MTURN: variants seen among roughly 807,000 people sequenced by gnomAD.
The protein encoded by MTURN is maturin, neural progenitor differentiation regulator homolog.
MTURN carries 7 observed loss-of-function variants against 14.9 expected under a neutral mutation model. The ratio of observed to expected loss-of-function variants is 0.47; its 90% CI spans 0.27 to 0.88. The LOEUF is 0.88. Among genes scored for constraint, MTURN ranks in the 40% least tolerant of loss-of-function variants. The pLI is 0.14. For synonymous variants in MTURN, 69 were observed against 72.5 expected (o/e 0.95, Z 0.25); for missense variants, 151 against 174.1 (o/e 0.87, Z 0.75).
intron 1 of MTURN, chr7:30,141,089 A>T (rs1454188619): frequency 6.6e-6 from 1 of 152,296 alleles, no homozygotes; most frequent in Non-Finnish European, 1.5e-5. Flanking sequence ...AGTGGCTGAC[A>T]CACAGATCGG....
chr7:30,138,307 G>A (rs939456551), intron 1 of MTURN, among the ~76,000 whole-genome samples: 1 of 152,088 alleles, frequency 6.6e-6, no homozygotes, highest in Non-Finnish European at 1.5e-5. Flanking sequence ...TAGAGACAGG[G>A]TTTTGTTACG....
At chr7:30,141,471 C>T (rs1003696) in intron 1 of MTURN, 121,386 of 150,766 alleles carry the variant, frequency 0.81, 48,887 homozygotes, top group East Asian at 0.94. Context: ...GTGTGGTGGA[C>T]TGTGGCTTTT....
At chr7:30,137,966 T>C (rs1796991265) in intron 1 of MTURN, among the ~76,000 whole-genome samples, 1 of 152,218 alleles carries the variant, frequency 6.6e-6, no homozygotes. Context: ...TCTGCCTTCA[T>C]GTTCCTGGGG....
At chr7:30,156,278 A>G (rs1192483040) in intron 2 of MTURN, among the ~76,000 whole-genome samples, 2 of 151,926 alleles carry the variant, frequency 1.3e-5, no homozygotes, top group Non-Finnish European at 2.9e-5. Context: ...ATAAAAAGGA[A>G]AAAATTACCC....
intron 1 of MTURN, among the ~76,000 whole-genome samples, chr7:30,142,766 C>T (rs993040927): frequency 6.6e-6 from 1 of 152,182 alleles, no homozygotes; most frequent in Non-Finnish European, 1.5e-5. Flanking sequence ...GGCATTTCTC[C>T]TTTAGTCCAA....
chr7:30,135,328 C>A, intron 1 of MTURN, 30 bp downstream of exon 1: 1 of 1,487,336 alleles, frequency 6.7e-7, no homozygotes, highest in Non-Finnish European at 9.0e-7. Context: ...ACCGCCGGAG[C>A]CGGCGGGAGT....
intron 1 of MTURN, among the ~76,000 whole-genome samples, chr7:30,135,945 C>T (rs1028472168): frequency 1.3e-5 from 2 of 152,072 alleles, no homozygotes; most frequent in African/African-American, 2.4e-5. Flanking sequence ...TCTTAATACG[C>T]ACGCGCGCCT....
chr7:30,159,344 C>G lies in MTURN; in HGVS notation c.*1796C>G, dbSNP rs57549526. 6.6e-6 allele frequency: 1 copy of G among 152,008 alleles called. No homozygotes were observed. The highest frequency in any genetic ancestry group is 2.1e-4 in the South Asian group (1 of 4,832). The allele number at this position is 152,008 out of a possible 1,614,324, so 9.4% of individuals were successfully genotyped here. On this transcript the variant is annotated 3_prime_UTR_variant, in exon 3 of 3. Transcript: ENST00000324453. ...TGAGCTGTATATTACACAGGTGTCG[C>G]CCAGGTTTCGTAACCTCCACTTTAA...
chr7:30,155,622 G>A (rs755882432), intron 2 of MTURN, among the ~76,000 whole-genome samples: 5 of 152,240 alleles, frequency 3.3e-5, no homozygotes, highest in Non-Finnish European at 7.3e-5. Context: ...CATCCGCAGA[G>A]TCTCTGAGGC....
intron 1 of MTURN, among the ~76,000 whole-genome samples, chr7:30,136,029 C>CG (rs11393795): frequency 1 from 152,303 of 152,320 alleles, 76,143 homozygotes; most frequent in Middle Eastern, 1. Flanking sequence ...CGCGCACACG[C>CG]GGCACGCCTC....
intron 1 of MTURN, chr7:30,141,305 C>G (rs2128030609): frequency 6.6e-6 from 1 of 151,052 alleles, no homozygotes; most frequent in South Asian, 2.1e-4. Flanking sequence ...ATCCCAGCTA[C>G]TTGGGAGGCT....
chr7:30,143,338 A>C (rs1034153190), intron 1 of MTURN, among the ~76,000 whole-genome samples: 1 of 134,214 alleles, frequency 7.5e-6, no homozygotes. Context: ...CTTGGATCTT[A>C]TTTCCCTCCC....
chr7:30,142,586 A>C (rs1250942205), intron 1 of MTURN, among the ~76,000 whole-genome samples: 2 of 152,184 alleles, frequency 1.3e-5, no homozygotes, highest in East Asian at 3.9e-4. Flanking sequence ...TCATTAGCTA[A>C]ATAAACTGAT....
At chr7:30,136,900 G>A (rs1301717230) in intron 1 of MTURN, among the ~76,000 whole-genome samples, 1 of 152,138 alleles carries the variant, frequency 6.6e-6, no homozygotes, top group Non-Finnish European at 1.5e-5. Context: ...TAGAGACCTG[G>A]GGTTTCCCAG....
intron 1 of MTURN, among the ~76,000 whole-genome samples, chr7:30,142,082 T>C (rs1431766254): frequency 6.6e-6 from 1 of 152,228 alleles, no homozygotes; most frequent in Non-Finnish European, 1.5e-5. Context: ...TCTGTAGGGT[T>C]GGACTACTTT....
In MTURN at chr7:30,147,045, A is replaced by G. The variant is rs190404031; in HGVS notation, c.285+746A>G. On this transcript the variant is annotated intron_variant, in intron 2 of 2. Transcript: ENST00000324453. ...TTCAGTGGTATTTGCTAGAATTTCTATTTATTTTTCAAATCTGTTCTAATG... is the reference window on the plus strand; with the variant it reads ...TTCAGTGGTATTTGCTAGAATTTCTGTTTATTTTTCAAATCTGTTCTAATG... Among the ~76,000 whole-genome samples the G allele has an allele frequency of 2.3e-3, 352 of 152,184 alleles. 2 individuals carry two copies. Among genetic ancestry groups the G allele is most frequent in the Non-Finnish European group, 4.4e-3 (297 of 68,010 alleles).
intron 2 of MTURN, among the ~76,000 whole-genome samples, chr7:30,149,509 G>T (rs373445596): frequency 6.6e-6 from 1 of 152,134 alleles, no homozygotes; most frequent in Non-Finnish European, 1.5e-5. Flanking sequence ...GTCAGGATGC[G>T]CCCCAGACTG....
At chr7:30,145,325 T>C (rs1467017744) in intron 1 of MTURN, among the ~76,000 whole-genome samples, 1 of 152,122 alleles carries the variant, frequency 6.6e-6, no homozygotes, top group East Asian at 1.9e-4. Flanking sequence ...AAACCCTGTC[T>C]CTACCAAAAA....
At position 30,158,588 on chromosome 7, in the gene MTURN, GGT is replaced by G. The variant is rs1461383995; in HGVS notation, c.*1043_*1044del. On this transcript the variant is annotated 3_prime_UTR_variant, in exon 3 of 3. Coordinates refer to ENST00000324453, the MANE Select transcript of MTURN (RefSeq NM_152793.3). ...CACATGTTTCGAGGGACTTAATTGT[GGT>G]GTATTTGTAAAGGGACACGAAGGTA... is the stretch of plus-strand genomic sequence containing the variant. 1 of 151,988 alleles carries G rather than the reference GGT, an allele frequency of 6.6e-6. No individual in the cohort carries two copies. Among genetic ancestry groups the G allele is most frequent in the Non-Finnish European group, 1.5e-5 (1 of 68,006 alleles). The allele number at this position is 151,988 out of a possible 1,614,324, so 9.4% of individuals were successfully genotyped here. A position where few individuals can be genotyped will look rare whatever the true frequency, so the allele number is the denominator to read the frequency against.
Sources: gnomAD v4.1 joint callset for allele counts (sites outside exome capture counted in the v4.1 genomes callset) on GRCh38, gnomAD v4.1.1 for gene constraint, MANE v1.5 for transcripts, NCBI Gene and HGNC (gene_info 2026-07-23, HGNC 2026-07-21) for gene names.